The following PKP4 variants were observed in gnomAD, a reference collection of about 807,000 sequenced individuals.
PKP4 encodes plakophilin-4.
A neutral mutation model predicts 145.1 loss-of-function variants in PKP4; 90 were observed. The ratio of observed to expected loss-of-function variants is 0.62; its 90% CI spans 0.52 to 0.74. The LOEUF (loss-of-function observed/expected upper bound fraction) is 0.74, where lower values mean the gene tolerates loss of function less well. Ranked by LOEUF, PKP4 falls within the 30% of genes least tolerant of loss-of-function variation. PKP4 has a pLI of 0.00. For missense variants in PKP4, 1,340 were observed against 1,482.7 expected (o/e 0.90, Z 1.58); for synonymous variants, 563 against 577.2 (o/e 0.98, Z 0.35).
intron 1 of PKP4, among the ~76,000 whole-genome samples, chr2:158,508,727 G>A (rs564351917): frequency 1.3e-5 from 2 of 152,258 alleles, no homozygotes; most frequent in South Asian, 4.1e-4. Context: ...TAATTCTTAT[G>A]AATTGTGAGC....
chr2:158,528,919 A>G (rs980429393), intron 1 of PKP4, among the ~76,000 whole-genome samples: 3 of 152,190 alleles, frequency 2.0e-5, no homozygotes, highest in African/African-American at 4.8e-5. Flanking sequence ...ACAGTAGACA[A>G]CATTCTGAAA....
At position 158,605,891 on chromosome 2, in the gene PKP4, T is replaced by C. The variant is rs1023868894; in HGVS notation, c.280+2787T>C. On this transcript the variant is annotated intron_variant, in intron 4 of 21. Coordinates refer to ENST00000389759, the MANE Select transcript of PKP4 (RefSeq NM_003628.6). ...TAGACATTTCAGTTGAATAGAATCA[T>C]ACATGTGGTCCTTGTGGCTGGTTCC... 2.6e-5 allele frequency among the ~76,000 whole-genome samples: 4 copies of C among 152,316 alleles called. No homozygotes were observed. The South Asian group carries it at 8.3e-4, about 32-fold the overall frequency.
At chr2:158,520,611 A>T (rs1324343453) in intron 1 of PKP4, among the ~76,000 whole-genome samples, 1 of 152,232 alleles carries the variant, frequency 6.6e-6, no homozygotes, top group Non-Finnish European at 1.5e-5. Context: ...ATATACATAC[A>T]ATTAAAAATA....
At position 158,603,058 on chromosome 2, in the gene PKP4, C is replaced by A; in HGVS notation, c.246-12C>A. The A allele has an allele frequency of 2.0e-6, 3 of 1,467,070 alleles. No homozygotes were observed. Among genetic ancestry groups the A allele is most frequent in the East Asian group, 2.4e-5 (1 of 40,940 alleles). The allele number at this position is 1,467,070 out of a possible 1,614,324, so 90.9% of individuals were successfully genotyped here. On this transcript the variant is annotated splice_polypyrimidine_tract_variant and intron_variant, in intron 3 of 21. Coordinates refer to ENST00000389759, the MANE Select transcript of PKP4 (RefSeq NM_003628.6). ...AAATAAATGTTCCATTTTTTTCTTT[C>A]TTTTTCTTTAGCTCAACTGAGAAGT...
intron 7 of PKP4, among the ~76,000 whole-genome samples, chr2:158,629,716 TC>T: frequency 2.2e-5 from 1 of 45,924 alleles, no homozygotes; most frequent in Non-Finnish European, 8.8e-5. Context: ...ATGGGAGCAA[TC>T]TTTTTTTTTT....
intron 3 of PKP4, among the ~76,000 whole-genome samples, chr2:158,596,065 G>C (rs899638850): frequency 2.0e-5 from 3 of 148,704 alleles, no homozygotes; most frequent in Non-Finnish European, 4.4e-5. Flanking sequence ...CCTTGGAATT[G>C]ACTAAAAAGT....
At chr2:158,662,023 A>C (rs1384968964) in intron 13 of PKP4, among the ~76,000 whole-genome samples, 1 of 152,144 alleles carries the variant, frequency 6.6e-6, no homozygotes, top group Non-Finnish European at 1.5e-5. Context: ...ACCATCCAGG[A>C]TCCTCCTGGG....
chr2:158,577,787 T>A (rs1428475257), intron 3 of PKP4, among the ~76,000 whole-genome samples: 1 of 152,230 alleles, frequency 6.6e-6, no homozygotes, highest in African/African-American at 2.4e-5. Flanking sequence ...GTCTTCAATT[T>A]ACTTTGGGTT....
chr2:158,658,671 G>A (rs1375124010), intron 12 of PKP4: 3 of 180,770 alleles, frequency 1.7e-5, no homozygotes, highest in Non-Finnish European at 3.4e-5. Context: ...AAATGTGATG[G>A]TTAAAACCAT....
intron 9 of PKP4, among the ~76,000 whole-genome samples, chr2:158,637,697 C>G (rs906684319): frequency 6.6e-6 from 1 of 152,166 alleles, no homozygotes; most frequent in African/African-American, 2.4e-5. Context: ...TTTCGAGGGT[C>G]TAAAAACAGT....
intron 6 of PKP4, among the ~76,000 whole-genome samples, chr2:158,623,217 G>T (rs1217787697): frequency 6.6e-6 from 1 of 152,092 alleles, no homozygotes; most frequent in Non-Finnish European, 1.5e-5. Flanking sequence ...TGTCACCCAG[G>T]CTGGAGTACA....
At chr2:158,528,766 A>G (rs946344992) in intron 1 of PKP4, among the ~76,000 whole-genome samples, 7 of 151,892 alleles carry the variant, frequency 4.6e-5, no homozygotes, top group African/African-American at 1.7e-4. Context: ...CACACATGTA[A>G]GAGTTGGTCA....
intron 1 of PKP4, among the ~76,000 whole-genome samples, chr2:158,522,818 G>T (rs1392263969): frequency 6.6e-6 from 1 of 152,214 alleles, no homozygotes; most frequent in African/African-American, 2.4e-5. Context: ...GCCTCACCTG[G>T]GAAGCGCAAG....
intron 3 of PKP4, among the ~76,000 whole-genome samples, chr2:158,595,733 C>T (rs1313958120): frequency 6.6e-6 from 1 of 151,976 alleles, no homozygotes; most frequent in African/African-American, 2.4e-5. Flanking sequence ...ATGTGTTAAA[C>T]TTAGTTAAGG....
At chr2:158,636,722 T>C (rs2053843574) in intron 9 of PKP4, among the ~76,000 whole-genome samples, 1 of 152,174 alleles carries the variant, frequency 6.6e-6, no homozygotes, top group Admixed American at 6.5e-5. Flanking sequence ...CCCTGTATTC[T>C]TGTAATCAGA....
chr2:158,561,428 T>C (rs934343714), intron 2 of PKP4, among the ~76,000 whole-genome samples: 2 of 152,222 alleles, frequency 1.3e-5, no homozygotes, highest in African/African-American at 4.8e-5. Flanking sequence ...ATGCAGATGG[T>C]GTTGCCTTGT....
At chr2:158,476,349 T>G (rs2105420122) in intron 1 of PKP4, among the ~76,000 whole-genome samples, 1 of 152,308 alleles carries the variant, frequency 6.6e-6, no homozygotes, top group South Asian at 2.1e-4. Context: ...TTTTATTTTT[T>G]TAGAGACCAG....
At chr2:158,470,971 C>G (rs184856100) in intron 1 of PKP4, among the ~76,000 whole-genome samples, 2 of 152,270 alleles carry the variant, frequency 1.3e-5, no homozygotes, top group East Asian at 1.9e-4. Flanking sequence ...ATGAAAATTT[C>G]TGAGAGTATT....
chr2:158,603,552 A>G (rs1359374538), intron 4 of PKP4, among the ~76,000 whole-genome samples: 1 of 152,126 alleles, frequency 6.6e-6, no homozygotes, highest in East Asian at 1.9e-4. Flanking sequence ...GTAGCTTTCC[A>G]TGTAGTCTCT....
Sources: allele counts gnomAD v4.1 joint callset (sites outside exome capture counted in the v4.1 genomes callset), GRCh38; gene constraint gnomAD v4.1.1; transcripts MANE v1.5; gene names NCBI Gene and HGNC (gene_info 2026-07-23, HGNC 2026-07-21).